DNM1: variants seen among roughly 807,000 people sequenced by gnomAD.
DNM1 encodes dynamin 1.
In DNM1, 29 loss-of-function variants were observed where a neutral mutation model predicts 104.6. The ratio of observed to expected loss-of-function variants is 0.28; its 90% confidence interval spans 0.21 to 0.38. The LOEUF (loss-of-function observed/expected upper bound fraction) is 0.38. Ranked by LOEUF, DNM1 falls within the 10% of genes least tolerant of loss-of-function variation. DNM1 has a pLI of 1.00. For missense variants in DNM1, 640 were observed against 1,189.4 expected (o/e 0.54, Z 6.79); for synonymous variants, 445 against 475.8 (o/e 0.94, Z 0.84).
chr9:128,207,065 A>G (rs1834014127), intron 1 of DNM1, among the ~76,000 whole-genome samples: 1 of 151,978 alleles, frequency 6.6e-6, no homozygotes, highest in Non-Finnish European at 1.5e-5. Context: ...GGGTGAGGAA[A>G]GAGGAATCAA....
In DNM1 at chr9:128,248,830, A is replaced by T; in HGVS notation, c.2076+77A>T. The T allele has an allele frequency of 6.6e-7, 1 of 1,515,672 alleles. No individual in the cohort carries two copies. Among genetic ancestry groups the T allele is most frequent in the South Asian group, 1.2e-5 (1 of 82,612 alleles). 93.9% of individuals were successfully genotyped at this position (1,515,672 alleles called of 1,614,324 possible). ...AGGTGGCCATGTTGGCCTGGGGGAG[A>T]TGCCAACCAGCCCTATGGGACCAGG... On this transcript the variant is annotated intron_variant, in intron 19 of 21. Transcript: ENST00000372923. The surrounding 1 kb of genome is among the most constrained non-coding windows in gnomAD (Gnocchi z 5.6).
At chr9:128,209,940 C>T (rs958931603) in intron 1 of DNM1, among the ~76,000 whole-genome samples, 2 of 152,210 alleles carry the variant, frequency 1.3e-5, no homozygotes, top group Non-Finnish European at 1.5e-5. Flanking sequence ...CAGAGAGGGA[C>T]CCCTAAGTGT....
Position 128,224,420 on chromosome 9 carries a change from G to A in DNM1, c.1335+31G>A, listed in dbSNP as rs369578408. ...CCGGAGGCCCGGGCCAGCCCCCACC[G>A]CCTCTGCCCCGCCCTGCACTGCTGC... On this transcript the variant is annotated intron_variant, in intron 10 of 21. Transcript: ENST00000372923. This position sits in a 1 kb window ranked among gnomAD's most constrained non-coding sequence, Gnocchi z 4.3. 1.1e-5 allele frequency: 17 copies of A among 1,595,176 alleles called. No individual in the cohort carries two copies. Among genetic ancestry groups the A allele is most frequent in the South Asian group, 6.8e-5 (6 of 88,432 alleles).
Position 128,253,751 on chromosome 9 carries a change from G to A in DNM1, c.2535-903G>A. ...TCCCACGACATACCTCACAGGCCAG[G>A]CAGGGACACACAGCCCCCTTCCCTC... is the stretch of plus-strand genomic sequence containing the variant. On this transcript the variant is annotated intron_variant, in intron 21 of 21. Coordinates refer to ENST00000372923, the MANE Select transcript of DNM1 (RefSeq NM_004408.4). This position sits in a 1 kb window ranked among gnomAD's most constrained non-coding sequence, Gnocchi z 5.9. The A allele has an allele frequency of 2.6e-6, 1 of 377,858 alleles. No individual in the cohort carries two copies. Among genetic ancestry groups the A allele is most frequent in the Non-Finnish European group, 4.6e-6 (1 of 219,748 alleles). 23.4% of individuals were successfully genotyped at this position (377,858 alleles called of 1,614,324 possible). A position where few individuals can be genotyped will look rare whatever the true frequency, so the allele number is the denominator to read the frequency against.
In DNM1 at chr9:128,203,530, C is replaced by T. The variant is rs1833616874; in HGVS notation, c.60C>T (p.Phe20=). 1.9e-6 allele frequency: 3 copies of T among 1,544,452 alleles called. No individual in the cohort carries two copies. Among genetic ancestry groups the T allele is most frequent in the Admixed American group, 3.9e-5 (2 of 51,416 alleles). ...IPLVNRLQDA[F]SAIGQNADLD... ...TGGTCAACCGGCTGCAAGACGCCTT[C>T]TCTGCCATCGGCCAGAACGCGGACC... is the stretch of plus-strand genomic sequence containing the variant. The change falls in exon 1 of 22, where the codon TTC becomes TTT. Residue 20 remains phenylalanine, a synonymous_variant. Coordinates refer to ENST00000372923, the MANE Select transcript of DNM1 (RefSeq NM_004408.4). This position sits in a 1 kb window ranked among gnomAD's most constrained non-coding sequence, Gnocchi z 5.3.
Position 128,248,850 on chromosome 9 carries a change from AC to A in DNM1, c.2076+99del. 1 of 1,398,476 alleles carries A rather than the reference AC, an allele frequency of 7.2e-7. No individual in the cohort carries two copies. The highest frequency in any genetic ancestry group is 1.0e-6 in the Non-Finnish European group (1 of 1,002,520). The allele number at this position is 1,398,476 out of a possible 1,614,324, so 86.6% of individuals were successfully genotyped here. ...GGGAGATGCCAACCAGCCCTATGGG[AC>A]CAGGTCCAGGGAGGGAGGCACGGTC... On this transcript the variant is annotated intron_variant, in intron 19 of 21. Coordinates refer to ENST00000372923, the MANE Select transcript of DNM1 (RefSeq NM_004408.4). This position sits in a 1 kb window ranked among gnomAD's most constrained non-coding sequence, Gnocchi z 5.6.
chr9:128,246,367 C>T, intron 15 of DNM1, 27 bp from the exon 16 acceptor site: 1 of 1,527,010 alleles, frequency 6.5e-7, no homozygotes, highest in Non-Finnish European at 9.1e-7. Context: ...GCCAACCTCA[C>T]CCCATTGCTC....
At chr9:128,212,979 C>CATG (rs1196654698) in intron 1 of DNM1, among the ~76,000 whole-genome samples, 3 of 152,124 alleles carry the variant, frequency 2.0e-5, no homozygotes, top group Admixed American at 1.3e-4. Context: ...AGTGTTTAGC[C>CATG]ATGATGATGA....
intron 13 of DNM1, 47 bp downstream of exon 13, chr9:128,239,826 C>A: frequency 4.4e-6 from 7 of 1,590,366 alleles, no homozygotes; most frequent in Non-Finnish European, 5.2e-6. Flanking sequence ...GGGTGCCGGA[C>A]GGACACCAGA....
chr9:128,211,470 C>CCCT (rs1834292072), intron 1 of DNM1, among the ~76,000 whole-genome samples: 1 of 122,222 alleles, frequency 8.2e-6, no homozygotes, highest in African/African-American at 3.1e-5. Context: ...GCCTGGAAGC[C>CCCT]TCTTTTTTTT....
intron 19 of DNM1, among the ~76,000 whole-genome samples, chr9:128,249,445 T>A (rs1829373984): frequency 6.6e-6 from 1 of 151,940 alleles, no homozygotes; most frequent in South Asian, 2.1e-4. Flanking sequence ...TCACCTGAAG[T>A]TGGGATTTTG....
Position 128,224,237 on chromosome 9 carries a change from C to A in DNM1, c.1197-14C>A. 6.2e-7 allele frequency: 1 copy of A among 1,611,962 alleles called. No individual in the cohort carries two copies. The highest frequency in any genetic ancestry group is 8.5e-7 in the Non-Finnish European group (1 of 1,178,914). On this transcript the variant is annotated splice_polypyrimidine_tract_variant and intron_variant, in intron 9 of 21. Transcript: ENST00000372923. The surrounding 1 kb of genome is among the most constrained non-coding windows in gnomAD (Gnocchi z 4.3). ...CCTGTGACACTCTGCCCTTCTCCCG[C>A]TCCGGGCGTTCAGAACGGGGCTGTT...
Position 128,240,111 on chromosome 9 carries a change from A to C in DNM1, c.1557+115A>C. The C allele has an allele frequency of 8.1e-7, 1 of 1,241,238 alleles. No individual in the cohort carries two copies. The highest frequency in any genetic ancestry group is 1.7e-5 in the Admixed American group (1 of 58,364). The allele number at this position is 1,241,238 out of a possible 1,614,324, so 76.9% of individuals were successfully genotyped here. On this transcript the variant is annotated intron_variant, in intron 14 of 21. Transcript: ENST00000372923. The surrounding 1 kb of genome is among the most constrained non-coding windows in gnomAD (Gnocchi z 5.1). ...CCTTTGGCTGAAGCTGCTTGTACAC[A>C]CCAGCCCCTGGCATTTCACACCTGC...
At chr9:128,223,064 G>GCTGGGCCAA in intron 9 of DNM1, 1 of 588,782 alleles carries the variant, frequency 1.7e-6, no homozygotes, top group South Asian at 2.0e-5. Flanking sequence ...ACTGCAACTT[G>GCTGGGCCAA]CTGGGCCAAC....
chr9:128,231,790 C>T (rs1044781945), intron 10 of DNM1, among the ~76,000 whole-genome samples: 2 of 152,288 alleles, frequency 1.3e-5, no homozygotes, highest in East Asian at 3.9e-4. Context: ...GTCATTACTA[C>T]CCCATTTTCC....
intron 4 of DNM1, 133 bp downstream of exon 4, chr9:128,219,385 G>T: frequency 1.2e-6 from 1 of 828,346 alleles, no homozygotes; most frequent in Non-Finnish European, 1.9e-6. Context: ...AATCACTTTG[G>T]GGGTCAGGCA....
chr9:128,254,567 GGCCCCGGCCGTGT>G lies in DNM1; in HGVS notation c.2535-84_2535-72del. On this transcript the variant is annotated intron_variant, in intron 21 of 21. Coordinates refer to ENST00000372923, the MANE Select transcript of DNM1 (RefSeq NM_004408.4). The surrounding 1 kb of genome is among the most constrained non-coding windows in gnomAD (Gnocchi z 6.1). ...CTCCCACCACTGCTGCGGCGCGGCCGGCCCCGGCCGTGTGCTGCGCTTGCCTTACCAGCTCTCT... is the reference window on the plus strand; with the variant it reads ...CTCCCACCACTGCTGCGGCGCGGCCGGCTGCGCTTGCCTTACCAGCTCTCT... 7.0e-7 allele frequency: 1 copy of G among 1,421,986 alleles called. No homozygotes were observed. Among genetic ancestry groups the G allele is most frequent in the Non-Finnish European group, 9.3e-7 (1 of 1,070,040 alleles). The allele number at this position is 1,421,986 out of a possible 1,614,324, so 88.1% of individuals were successfully genotyped here.
Position 128,250,121 on chromosome 9 carries a change from G to C in DNM1, c.2083G>C (p.Glu695Gln), listed in dbSNP as rs1347869398. The C allele has an allele frequency of 6.2e-7, 1 of 1,614,130 alleles. No individual in the cohort carries two copies. The highest frequency in any genetic ancestry group is 8.5e-7 in the Non-Finnish European group (1 of 1,179,980). The change falls in exon 20 of 22, where the codon GAG becomes CAG. Residue 695 changes from glutamate to glutamine, a missense_variant. Glu to Gln is a conservative substitution (Grantham distance 29). This residue lies in a region of DNM1 where 129 missense variants were observed against 224.6 expected (regional missense o/e 0.57). Coordinates refer to ENST00000372923, the MANE Select transcript of DNM1 (RefSeq NM_004408.4). ...IMHLMINNTK[E>Q]FIFSELLANL... ...CCTCTTTGCCTACTCGCAGACCAAG[G>C]AGTTCATCTTCTCGGAGCTGCTGGC...
intron 1 of DNM1, among the ~76,000 whole-genome samples, chr9:128,213,228 C>T (rs1380509276): frequency 3.9e-5 from 6 of 152,042 alleles, no homozygotes; most frequent in Non-Finnish European, 7.4e-5. Flanking sequence ...ACTACAGGCG[C>T]ACGCCACCAC....
Sources: gnomAD v4.1 joint callset for allele counts (sites outside exome capture counted in the v4.1 genomes callset) on GRCh38, gnomAD v4.1.1 for gene constraint, gnomAD v4.1.1 regional missense constraint, Gnocchi (gnomAD v3.1) non-coding constraint, MANE v1.5 for transcripts, NCBI Gene and HGNC (gene_info 2026-07-23, HGNC 2026-07-21) for gene names.